Variants in NRG1 observed in about 807,000 individuals in gnomAD.
The protein encoded by NRG1 is pro-neuregulin-1, membrane-bound isoform.
Under a neutral mutation model 63.8 loss-of-function variants are expected in NRG1, and 18 were observed. The observed-to-expected ratio is 0.28, with a 90% confidence interval of 0.19 to 0.42. The LOEUF (loss-of-function observed/expected upper bound fraction) is 0.42, where lower values mean the gene tolerates loss of function less well. Among genes scored for constraint, NRG1 ranks in the 10% least tolerant of loss-of-function variants. NRG1 has a pLI of 1.00. For missense variants in NRG1, 762 were observed against 814.7 expected, an observed-to-expected ratio of 0.94 and a Z score of 0.79; for synonymous variants, 302 against 301.3, an observed-to-expected ratio of 1.00 and a Z score of -0.02.
intron 5 of NRG1, among the ~76,000 whole-genome samples, chr8:32,631,135 T>C (rs1850226260): frequency 6.6e-6 from 1 of 151,956 alleles, no homozygotes; most frequent in Admixed American, 6.6e-5. Flanking sequence ...TTGTAATTTC[T>C]CATTTATGTA....
At chr8:32,079,471 A>G (rs1374154880) in intron 1 of NRG1, among the ~76,000 whole-genome samples, 1 of 152,168 alleles carries the variant, frequency 6.6e-6, no homozygotes, top group Non-Finnish European at 1.5e-5. Context: ...AACTAATACT[A>G]ATTAACTTAC....
At chr8:32,546,575 G>A (rs1420167122), upstream of NRG1, among the ~76,000 whole-genome samples, 2 of 152,064 alleles carry the variant, frequency 1.3e-5, no homozygotes, top group Non-Finnish European at 2.9e-5. Flanking sequence ...TCTTGCATAC[G>A]TCTCTGTGGA....
chr8:32,038,530 T>C (rs1412588883), intron 1 of NRG1, among the ~76,000 whole-genome samples: 2 of 148,030 alleles, frequency 1.4e-5, no homozygotes, highest in Admixed American at 6.6e-5. Context: ...ACTGTTTCTG[T>C]TTATTTCTTA....
chr8:32,662,184 C>T (rs1435692282), intron 5 of NRG1, among the ~76,000 whole-genome samples: 1 of 152,010 alleles, frequency 6.6e-6, no homozygotes. Flanking sequence ...TTAAGAAATA[C>T]ATAAACAGAA....
intron 1 of NRG1, among the ~76,000 whole-genome samples, chr8:32,002,873 T>C (rs1174376270): frequency 2.0e-5 from 3 of 152,116 alleles, no homozygotes; most frequent in African/African-American, 7.2e-5. Context: ...TACCACCTGG[T>C]TAGTCTAGCC....
intron 11 of NRG1, among the ~76,000 whole-genome samples, chr8:32,762,038 C>CAAAA (rs11407724): frequency 1.1e-3 from 91 of 81,174 alleles, no homozygotes; most frequent in East Asian, 1.6e-3. Flanking sequence ...GACTCCGCCT[C>CAAAA]AAAAAAAAAA....
At chr8:32,374,735 A>G (rs1162234481) in intron 1 of NRG1, among the ~76,000 whole-genome samples, 1 of 132,042 alleles carries the variant, frequency 7.6e-6, no homozygotes, top group Non-Finnish European at 1.8e-5. Flanking sequence ...TGGAGACTAG[A>G]AATTATGTTT....
intron 1 of NRG1, among the ~76,000 whole-genome samples, chr8:32,284,647 C>T (rs991726981): frequency 6.6e-5 from 10 of 152,100 alleles, no homozygotes; most frequent in African/African-American, 2.2e-4. Context: ...CCTCCCAGCT[C>T]AGCCTCCCGA....
intron 1 of NRG1, among the ~76,000 whole-genome samples, chr8:32,142,410 C>T (rs1345181170): frequency 6.6e-6 from 1 of 152,158 alleles, no homozygotes. Flanking sequence ...AAGAGCATGA[C>T]AGAGCATTGC....
Position 32,635,925 on chromosome 8 carries a change from A to G in NRG1, c.502+19040A>G, listed in dbSNP as rs138900190. On this transcript the variant is annotated intron_variant, in intron 5 of 11. Coordinates refer to ENST00000356819, the Ensembl canonical transcript of NRG1. ...ATGGGGGATCTAGGTGTACATTGAT[A>G]CTTTTTAGATGCCTTTGATGTCAGT... is the stretch of plus-strand genomic sequence containing the variant. Among the ~76,000 whole-genome samples the G allele has an allele frequency of 7.6e-3, 1,158 of 152,238 alleles. 6 individuals carry two copies. Among genetic ancestry groups the G allele is most frequent in the Middle Eastern group, 0.024 (7 of 294 alleles).
chr8:32,116,351 G>A (rs1463127518), intron 1 of NRG1, among the ~76,000 whole-genome samples: 1 of 152,130 alleles, frequency 6.6e-6, no homozygotes. Flanking sequence ...ATTCGTCTAA[G>A]CAGAGGAGAT....
intron 1 of NRG1, among the ~76,000 whole-genome samples, chr8:32,083,762 C>G (rs1309223695): frequency 7.1e-6 from 1 of 140,782 alleles, no homozygotes; most frequent in Non-Finnish European, 1.5e-5. Context: ...TATTTCATGT[C>G]ATGTGATACA....
intron 1 of NRG1, among the ~76,000 whole-genome samples, chr8:31,668,184 A>G (rs1006638950): frequency 6.6e-6 from 1 of 152,204 alleles, no homozygotes; most frequent in Non-Finnish European, 1.5e-5. Context: ...ATTACAAGGA[A>G]TGTAGTGGAA....
chr8:32,212,324 T>G (rs1389694094), intron 1 of NRG1, among the ~76,000 whole-genome samples: 2 of 152,148 alleles, frequency 1.3e-5, no homozygotes, highest in Non-Finnish European at 2.9e-5. Flanking sequence ...TAAAGTTAGC[T>G]CTTATTAAAT....
chr8:32,259,287 G>T (rs1266730086), intron 1 of NRG1, among the ~76,000 whole-genome samples: 1 of 152,196 alleles, frequency 6.6e-6, no homozygotes, highest in Non-Finnish European at 1.5e-5. Context: ...CAGGCGATTA[G>T]GCCATGAGGG....
chr8:31,673,076 C>A (rs1585564916), intron 1 of NRG1, among the ~76,000 whole-genome samples: 1 of 151,700 alleles, frequency 6.6e-6, no homozygotes, highest in East Asian at 1.9e-4. Flanking sequence ...ATCAAAATTC[C>A]TTCTCTTTCT....
At chr8:32,319,041 C>T (rs893210876) in intron 1 of NRG1, among the ~76,000 whole-genome samples, 1 of 152,096 alleles carries the variant, frequency 6.6e-6, no homozygotes, top group Admixed American at 6.6e-5. Context: ...TGATGTTTGA[C>T]GTGAAGGTGA....
chr8:31,918,187 C>T (rs1833579103), intron 1 of NRG1, among the ~76,000 whole-genome samples: 1 of 152,030 alleles, frequency 6.6e-6, no homozygotes, highest in African/African-American at 2.4e-5. Flanking sequence ...AATTGAATAC[C>T]CTTTATTTCC....
chr8:32,732,098 C>T (rs938239305), intron 6 of NRG1, among the ~76,000 whole-genome samples: 2 of 152,138 alleles, frequency 1.3e-5, no homozygotes, highest in African/African-American at 2.4e-5. Context: ...GAGAGGTTTC[C>T]GGATTGCTTG....
Sources: gnomAD v4.1 joint callset for allele counts (sites outside exome capture counted in the v4.1 genomes callset) on GRCh38, gnomAD v4.1.1 for gene constraint, MANE v1.5 for transcripts, NCBI Gene and HGNC (gene_info 2026-07-23, HGNC 2026-07-21) for gene names.